Variants in TNFRSF10C observed in about 807,000 individuals in gnomAD.
TNFRSF10C encodes the protein tumor necrosis factor receptor superfamily member 10C.
A neutral mutation model predicts 16.7 loss-of-function variants in TNFRSF10C; 17 were observed. The observed-to-expected ratio is 1.02, with a 90% CI of 0.70 to 1.53. TNFRSF10C has a LOEUF of 1.53. Among genes scored for constraint, TNFRSF10C ranks in the 40% most tolerant of loss-of-function variants. The probability of loss-of-function intolerance (pLI) is 0.00; values close to 1 mark genes in which losing one functional copy is unlikely to be tolerated. For missense variants in TNFRSF10C, 237 were observed against 329.7 expected (o/e 0.72, Z 2.18); for synonymous variants, 73 against 119.7 (o/e 0.61, Z 2.55).
At chr8:23,103,577 G>A in intron 1 of TNFRSF10C, 1 of 223,380 alleles carries the variant, frequency 4.5e-6, no homozygotes, top group East Asian at 1.3e-4. Context: ...TTGGAGATCG[G>A]TTTAACCAAC....
chr8:23,114,503 G>A, intron 2 of TNFRSF10C, 154 bp from the exon 3 acceptor site: 1 of 585,608 alleles, frequency 1.7e-6, no homozygotes, highest in Admixed American at 3.1e-5. Context: ...TCAAAGGTAT[G>A]TAATAGATGC....
intron 1 of TNFRSF10C, among the ~76,000 whole-genome samples, chr8:23,106,421 C>CG (rs1479347298): frequency 4.7e-5 from 7 of 149,460 alleles, no homozygotes; most frequent in African/African-American, 1.8e-4. Context: ...AGATGCCCCC[C>CG]CACCCGATTT....
chr8:23,107,099 T>C (rs1813793150), intron 1 of TNFRSF10C, among the ~76,000 whole-genome samples: 1 of 152,148 alleles, frequency 6.6e-6, no homozygotes, highest in African/African-American at 2.4e-5. Context: ...CTCACACCTG[T>C]AGTCCTGCCA....
chr8:23,117,077 G>A lies in TNFRSF10C; in HGVS notation c.*46G>A, dbSNP rs1814003757. On this transcript the variant is annotated 3_prime_UTR_variant, in exon 5 of 5. Transcript: ENST00000356864. ...ATTCCTTCCTTACCTGAAAGGTTCAGGTAGGCGCTGGCTGAGGGCGGGGGG... is the reference window on the plus strand; with the variant it reads ...ATTCCTTCCTTACCTGAAAGGTTCAAGTAGGCGCTGGCTGAGGGCGGGGGG... 1.9e-6 allele frequency: 3 copies of A among 1,593,724 alleles called. No homozygotes were observed. The highest frequency in any genetic ancestry group is 1.3e-5 in the African/African-American group (1 of 74,584).
At chr8:23,109,291 A>G (rs995840118) in intron 1 of TNFRSF10C, among the ~76,000 whole-genome samples, 2 of 152,166 alleles carry the variant, frequency 1.3e-5, no homozygotes, top group African/African-American at 4.8e-5. Flanking sequence ...AATAATCATA[A>G]TTATTAATTA....
intron 1 of TNFRSF10C, 103 bp downstream of exon 1, chr8:23,103,284 C>T (rs1233241873): frequency 6.5e-7 from 1 of 1,533,132 alleles, no homozygotes; most frequent in East Asian, 2.4e-5. Flanking sequence ...TGGTCACCTG[C>T]GGCCGGGCAT....
chr8:23,103,263 A>G (rs1813702950), intron 1 of TNFRSF10C, 82 bp downstream of exon 1: 14 of 1,560,390 alleles, frequency 9.0e-6, no homozygotes, highest in Non-Finnish European at 1.2e-5. Context: ...CACGGCAGGG[A>G]TGCCTGGCCC....
chr8:23,106,123 GC>G (rs1761554155), intron 1 of TNFRSF10C, among the ~76,000 whole-genome samples: 1 of 152,196 alleles, frequency 6.6e-6, no homozygotes, highest in South Asian at 2.1e-4. Flanking sequence ...GAACACCTGT[GC>G]CTGGAGTCCG....
intron 1 of TNFRSF10C, 79 bp from the exon 2 acceptor site, chr8:23,111,641 G>T (rs528832119): frequency 2.7e-6 from 3 of 1,121,478 alleles, no homozygotes; most frequent in African/African-American, 3.1e-5. Flanking sequence ...GTCACTTGGG[G>T]TGAAGGGAAT....
intron 4 of TNFRSF10C, 30 bp downstream of exon 4, chr8:23,115,646 C>A: frequency 1.3e-6 from 2 of 1,587,292 alleles, no homozygotes; most frequent in South Asian, 1.1e-5. Context: ...CTCCTGACAG[C>A]TTTCAGGAAC....
chr8:23,116,627 C>CT lies in TNFRSF10C; in HGVS notation c.390-13dup. On this transcript the variant is annotated splice_polypyrimidine_tract_variant and intron_variant, in intron 4 of 4. Transcript: ENST00000356864. ...CCCTCAGGAGTCCTCACCTCCCTCTCTGTGTGTACCCAGGTGCCCTAGTGG... is the reference window on the plus strand; with the variant it reads ...CCCTCAGGAGTCCTCACCTCCCTCTCTTGTGTGTACCCAGGTGCCCTAGTGG... 5 of 1,608,880 alleles carry CT rather than the reference C, an allele frequency of 3.1e-6. No homozygotes were observed. The highest frequency in any genetic ancestry group is 4.2e-6 in the Non-Finnish European group (5 of 1,176,616).
chr8:23,113,954 C>CA (rs781288895), intron 2 of TNFRSF10C, among the ~76,000 whole-genome samples: 1,960 of 82,434 alleles, frequency 0.024, 36 homozygotes, highest in African/African-American at 0.068. Flanking sequence ...GACTCTGTCT[C>CA]AAAAAAAAAA....
chr8:23,107,254 A>G (rs1176764992), intron 1 of TNFRSF10C, among the ~76,000 whole-genome samples: 1 of 152,266 alleles, frequency 6.6e-6, no homozygotes, highest in Non-Finnish European at 1.5e-5. Context: ...GAATCCACAC[A>G]GAATGCTTAC....
rs1201589834 is a variant in TNFRSF10C, at chr8:23,116,885, A to G, written c.634A>G (p.Thr212Ala). ...PGTPAPAAEE[T>A]MTTSPGTPAP... ...GACTCCTGCCCCAGCTGCTGAAGAG[A>G]CAATGACCACCAGCCCGGGGACTCC... The change falls in exon 5 of 5, where the codon ACA becomes GCA. Residue 212 changes from threonine (T) to alanine (A), a missense_variant. This residue lies in a region of TNFRSF10C where 25 missense variants were observed against 133.0 expected (regional missense o/e 0.19). Transcript: ENST00000356864. The G allele has an allele frequency of 6.2e-7, 1 of 1,608,966 alleles. No homozygotes were observed.
intron 1 of TNFRSF10C, among the ~76,000 whole-genome samples, chr8:23,104,645 C>T (rs770610291): frequency 6.6e-6 from 1 of 152,178 alleles, no homozygotes; most frequent in Non-Finnish European, 1.5e-5. Context: ...AACCACTGAA[C>T]CCAGCTTACA....
At chr8:23,115,067 C>T (rs565998080) in intron 3 of TNFRSF10C, among the ~76,000 whole-genome samples, 3 of 152,152 alleles carry the variant, frequency 2.0e-5, no homozygotes, top group African/African-American at 7.2e-5. Flanking sequence ...CGGGTCTGCT[C>T]CAGGGCCAGG....
intron 3 of TNFRSF10C, among the ~76,000 whole-genome samples, chr8:23,115,295 A>C (rs528448424): frequency 8.5e-5 from 13 of 152,210 alleles, no homozygotes; most frequent in African/African-American, 3.1e-4. Context: ...TGTAATAAAT[A>C]ATGAATTATG....
intron 3 of TNFRSF10C, 29 bp downstream of exon 3, chr8:23,114,799 A>G (rs1813946445): frequency 6.3e-7 from 1 of 1,599,350 alleles, no homozygotes; most frequent in African/African-American, 1.3e-5. Flanking sequence ...TCTTGTCCAG[A>G]GGTGGAGCGT....
At chr8:23,116,508 C>T in intron 4 of TNFRSF10C, 133 bp from the exon 5 acceptor site, 2 of 1,277,792 alleles carry the variant, frequency 1.6e-6, no homozygotes, top group South Asian at 1.5e-5. Flanking sequence ...CTTGGGGGAC[C>T]CCCTCCAGAC....
Sources: gnomAD v4.1 joint callset for allele counts (sites outside exome capture counted in the v4.1 genomes callset) on GRCh38, gnomAD v4.1.1 for gene constraint, gnomAD v4.1.1 regional missense constraint, MANE v1.5 for transcripts, NCBI Gene and HGNC (gene_info 2026-07-23, HGNC 2026-07-21) for gene names.